Variants in KCNQ5 observed in about 807,000 individuals in gnomAD.
KCNQ5 encodes potassium voltage-gated channel subfamily Q member 5.
Under a neutral mutation model 98.2 loss-of-function variants are expected in KCNQ5, and 30 were observed. The ratio of observed to expected loss-of-function variants is 0.31; its 90% confidence interval spans 0.23 to 0.41. The LOEUF (loss-of-function observed/expected upper bound fraction) is 0.41. Among genes scored for constraint, KCNQ5 ranks in the 10% least tolerant of loss-of-function variants. KCNQ5 has a pLI of 1.00. For missense variants in KCNQ5, 835 were observed against 1,182.5 expected (o/e 0.71, Z 4.31); for synonymous variants, 458 against 449.4 (o/e 1.02, Z -0.24).
At chr6:72,950,952 C>T (rs1351098151) in intron 1 of KCNQ5, among the ~76,000 whole-genome samples, 1 of 152,116 alleles carries the variant, frequency 6.6e-6, no homozygotes. Context: ...ATCCCAAGCC[C>T]TCATAACAAT....
chr6:73,166,911 G>A (rs1413590229), intron 10 of KCNQ5, among the ~76,000 whole-genome samples: 3 of 152,092 alleles, frequency 2.0e-5, no homozygotes, highest in South Asian at 2.1e-4. Flanking sequence ...TAGGGTCCCC[G>A]CCTAATCCAG....
intron 1 of KCNQ5, among the ~76,000 whole-genome samples, chr6:72,770,031 A>G (rs1484718891): frequency 2.0e-5 from 3 of 152,164 alleles, no homozygotes; most frequent in Non-Finnish European, 4.4e-5. Context: ...AGAAGCCTGT[A>G]AAAACAGAGT....
chr6:72,815,806 C>T (rs986033008), intron 1 of KCNQ5, among the ~76,000 whole-genome samples: 1 of 152,078 alleles, frequency 6.6e-6, no homozygotes, highest in African/African-American at 2.4e-5. Flanking sequence ...AAGTGACAGA[C>T]GATGGTGCCA....
rs1002452150 is a variant in KCNQ5, at chr6:72,866,491, G to A, written c.399-137417G>A. On this transcript the variant is annotated intron_variant, in intron 1 of 13. Coordinates refer to ENST00000370398, the MANE Select transcript of KCNQ5 (RefSeq NM_019842.4). ...GCTGGTCTCAAACTCCTAAACTCAA[G>A]CAATCCACTCACCTCCACCTCCCAA... Among the ~76,000 whole-genome samples, 9 of 152,070 alleles carry A rather than the reference G, an allele frequency of 5.9e-5. No individual in the cohort carries two copies. The East Asian group carries it at 1.4e-3, about 23-fold the overall frequency.
At chr6:73,174,098 A>G (rs1403751463) in intron 11 of KCNQ5, among the ~76,000 whole-genome samples, 1 of 147,358 alleles carries the variant, frequency 6.8e-6, no homozygotes, top group Non-Finnish European at 1.5e-5. Flanking sequence ...TTTTTTTTTC[A>G]ATTTTTAAAA....
chr6:72,908,557 A>G (rs182497104), intron 1 of KCNQ5, among the ~76,000 whole-genome samples: 24 of 152,268 alleles, frequency 1.6e-4, no homozygotes, highest in Admixed American at 1.3e-3. Flanking sequence ...TACTTCATCC[A>G]CAGGCAGATT....
intron 2 of KCNQ5, among the ~76,000 whole-genome samples, chr6:73,036,799 C>T (rs1477277390): frequency 6.6e-6 from 1 of 152,150 alleles, no homozygotes; most frequent in African/African-American, 2.4e-5. Context: ...AATACTTCTT[C>T]TGTGAACATT....
At chr6:73,039,438 TCTATAATGTAAGCATTTAGTG>T (rs1771592045) in intron 2 of KCNQ5, among the ~76,000 whole-genome samples, 2 of 152,148 alleles carry the variant, frequency 1.3e-5, no homozygotes, top group African/African-American at 4.8e-5. Context: ...ACTTTCTTCA[TCTATAATGTAAGCATTTAGTG>T]CTATAAATTT....
chr6:72,931,547 G>A (rs1475395831), intron 1 of KCNQ5, among the ~76,000 whole-genome samples: 2 of 152,116 alleles, frequency 1.3e-5, no homozygotes, highest in Non-Finnish European at 2.9e-5. Context: ...AAAGCATATG[G>A]ACAAGTGGTA....
At chr6:72,864,875 T>C (rs1777917136) in intron 1 of KCNQ5, among the ~76,000 whole-genome samples, 1 of 152,238 alleles carries the variant, frequency 6.6e-6, no homozygotes, top group Non-Finnish European at 1.5e-5. Flanking sequence ...TTTGCTACTT[T>C]CAGTCAGAAA....
chr6:73,154,088 T>C (rs1777260125), intron 10 of KCNQ5, among the ~76,000 whole-genome samples: 2 of 152,216 alleles, frequency 1.3e-5, no homozygotes, highest in East Asian at 1.9e-4. Context: ...TTTTTTTCAA[T>C]AAAAACTAAT....
intron 1 of KCNQ5, among the ~76,000 whole-genome samples, chr6:72,645,879 A>C (rs577370029): frequency 6.6e-6 from 1 of 152,270 alleles, no homozygotes; most frequent in South Asian, 2.1e-4. Context: ...CTTTAATGAA[A>C]GAAAAGCCTG....
At position 73,089,334 on chromosome 6, in the gene KCNQ5, TTTG is replaced by T. The variant is rs561814293; in HGVS notation, c.918+11457_918+11459del. 1.8e-3 allele frequency among the ~76,000 whole-genome samples: 271 copies of T among 152,282 alleles called. 1 individual carries two copies. The highest frequency in any genetic ancestry group is 6.3e-3 in the African/African-American group (263 of 41,574). On this transcript the variant is annotated intron_variant, in intron 5 of 13. Coordinates refer to ENST00000370398, the MANE Select transcript of KCNQ5 (RefSeq NM_019842.4). Reference sequence around the variant, plus strand: ...AACAGTTGGTAGGGAAGTAGCTTTTTTTGTTGTTGTTGATTTTCGTGGGGTTTT... The same window carrying T: ...AACAGTTGGTAGGGAAGTAGCTTTTTTTGTTGTTGATTTTCGTGGGGTTTT...
intron 1 of KCNQ5, among the ~76,000 whole-genome samples, chr6:72,680,728 A>C (rs752313508): frequency 1.3e-4 from 20 of 152,198 alleles, no homozygotes; most frequent in Non-Finnish European, 2.1e-4. Context: ...CTCCCCCCAA[A>C]ATCCACATTT....
chr6:72,714,954 A>G (rs1769569024), intron 1 of KCNQ5, among the ~76,000 whole-genome samples: 1 of 152,208 alleles, frequency 6.6e-6, no homozygotes, highest in Non-Finnish European at 1.5e-5. Flanking sequence ...AAATAAATAT[A>G]TAGCTTCTGT....
At chr6:73,067,896 AT>A (rs1562159125) in intron 3 of KCNQ5, among the ~76,000 whole-genome samples, 8 of 622 alleles carry the variant, frequency 0.013, no homozygotes, top group African/African-American at 0.014. Context: ...ATATATATAT[AT>A]ATATATATAA....
chr6:72,750,594 C>A (rs1204536087), intron 1 of KCNQ5, among the ~76,000 whole-genome samples: 1 of 146,692 alleles, frequency 6.8e-6, no homozygotes, highest in East Asian at 1.9e-4. Context: ...TTTTTAAGTT[C>A]ACTTGATTAA....
chr6:72,687,852 T>C (rs1768032643), intron 1 of KCNQ5, among the ~76,000 whole-genome samples: 1 of 142,366 alleles, frequency 7.0e-6, no homozygotes, highest in Non-Finnish European at 1.5e-5. Flanking sequence ...TTTTTTTTTT[T>C]GACATGGAGT....
intron 1 of KCNQ5, among the ~76,000 whole-genome samples, chr6:72,623,428 A>T (rs377481745): frequency 3.6e-4 from 16 of 44,746 alleles, no homozygotes; most frequent in South Asian, 7.1e-4. Context: ...GTGTGTGTGT[A>T]GTAAGCCTTC....
Sources: gnomAD v4.1 joint callset for allele counts (sites outside exome capture counted in the v4.1 genomes callset) on GRCh38, gnomAD v4.1.1 for gene constraint, MANE v1.5 for transcripts, NCBI Gene and HGNC (gene_info 2026-07-23, HGNC 2026-07-21) for gene names.